The following SEC24A variants were observed in gnomAD, a reference collection of about 807,000 sequenced individuals.
The protein encoded by SEC24A is protein transport protein Sec24A.
A neutral mutation model predicts 129.4 loss-of-function variants in SEC24A; 93 were observed. That is an observed-to-expected ratio of 0.72 (90% CI 0.61 to 0.85). The LOEUF is 0.85. Among genes scored for constraint, SEC24A ranks in the 40% least tolerant of loss-of-function variants. The probability of loss-of-function intolerance (pLI) is 0.00; values close to 1 mark genes in which losing one functional copy is unlikely to be tolerated. For missense variants in SEC24A, 1,264 were observed against 1,307.4 expected (o/e 0.97, Z 0.51); for synonymous variants, 460 against 467.3 (o/e 0.98, Z 0.20).
chr5:134,694,218 T>C (rs779154087), intron 13 of SEC24A, among the ~76,000 whole-genome samples: 1 of 152,106 alleles, frequency 6.6e-6, no homozygotes, highest in Non-Finnish European at 1.5e-5. Flanking sequence ...GAGAACCTGA[T>C]TGACCAGTTA....
chr5:134,685,377 A>T lies in SEC24A; in HGVS notation c.1492-1413A>T, dbSNP rs867817276. 8.7e-4 allele frequency among the ~76,000 whole-genome samples: 132 copies of T among 151,974 alleles called. 1 individual carries two copies. Among genetic ancestry groups the T allele is most frequent in the African/African-American group, 2.5e-3 (103 of 41,486 alleles). ...CAACACCTTCTCTCTAAAAAAAAAA[A>T]AATAATAATACAAATTTTAATATAC... On this transcript the variant is annotated intron_variant, in intron 9 of 22. Coordinates refer to ENST00000398844, the MANE Select transcript of SEC24A (RefSeq NM_021982.3).
chr5:134,681,442 T>TTGTGTGTG (rs34487329), intron 8 of SEC24A, among the ~76,000 whole-genome samples: 76 of 143,786 alleles, frequency 5.3e-4, no homozygotes, highest in African/African-American at 1.1e-3. Flanking sequence ...GTTTTATTGT[T>TTGTGTGTG]TGTGTGTGTG....
intron 17 of SEC24A, among the ~76,000 whole-genome samples, chr5:134,707,170 T>C (rs964630540): frequency 2.0e-5 from 3 of 152,110 alleles, no homozygotes; most frequent in African/African-American, 7.2e-5. Flanking sequence ...CTTAATTCTG[T>C]CTGTATCAGG....
chr5:134,690,534 C>G (rs1230826470), intron 11 of SEC24A, among the ~76,000 whole-genome samples: 1 of 152,212 alleles, frequency 6.6e-6, no homozygotes, highest in African/African-American at 2.4e-5. Context: ...AGGCTGGTCT[C>G]AAACTCCTGG....
intron 13 of SEC24A, 32 bp downstream of exon 13, chr5:134,693,965 T>C (rs1295638280): frequency 6.4e-7 from 1 of 1,564,450 alleles, no homozygotes; most frequent in Non-Finnish European, 8.8e-7. Context: ...TGATAAGGTT[T>C]ATGCTGGTGT....
At chr5:134,724,314 C>T (rs967106794) in intron 22 of SEC24A, among the ~76,000 whole-genome samples, 2 of 152,110 alleles carry the variant, frequency 1.3e-5, no homozygotes, top group Non-Finnish European at 2.9e-5. Flanking sequence ...AGTCGCCGGG[C>T]GCGGTGGCTC....
chr5:134,708,961 T>C, intron 18 of SEC24A, 73 bp downstream of exon 18: 1 of 1,440,712 alleles, frequency 6.9e-7, no homozygotes, highest in Non-Finnish European at 9.5e-7. Flanking sequence ...ATCCCAGCAC[T>C]TTGGGTGGCT....
Position 134,686,893 on chromosome 5 carries a change from A to G in SEC24A, c.1595A>G (p.Asn532Ser), listed in dbSNP as rs778711031. Residue 532 changes from asparagine to serine, a missense_variant, in exon 10 of 23, where the codon AAT becomes AGT. Transcript: ENST00000398844. ...LNSVCQSLLD[N>S]LDLLPGNTRT... ...TCAGTTTGCCAGAGTTTGTTAGACA[A>G]TCTGGATTTGTAAGTTTCTCAATTC... The G allele has an allele frequency of 1.7e-5, 27 of 1,581,882 alleles. No individual in the cohort carries two copies. The Admixed American group carries it at 2.7e-4, about 16-fold the overall frequency.
intron 3 of SEC24A, among the ~76,000 whole-genome samples, chr5:134,668,297 C>T (rs937765228): frequency 2.6e-5 from 4 of 152,044 alleles, no homozygotes; most frequent in Admixed American, 6.6e-5. Flanking sequence ...ATGTTAGCAA[C>T]GAGTAACAAG....
intron 8 of SEC24A, among the ~76,000 whole-genome samples, chr5:134,682,102 G>T (rs1205586880): frequency 6.6e-6 from 1 of 152,044 alleles, no homozygotes; most frequent in Non-Finnish European, 1.5e-5. Context: ...AATTAGCCGG[G>T]CGTGGTGGCG....
In SEC24A at chr5:134,703,697, TAA is replaced by T. The variant is rs1411059207; in HGVS notation, c.2267-59_2267-58del. The T allele has an allele frequency of 2.7e-6, 3 of 1,108,624 alleles. No individual in the cohort carries two copies. In the African/African-American group the frequency reaches 4.7e-5, roughly 18 times the overall value. The allele number at this position is 1,108,624 out of a possible 1,614,324, so 68.7% of individuals were successfully genotyped here. ...TTGCCAATCTGATAAGTAACTAGGA[TAA>T]AATGTAAATATCAGTATGTAGGTAT... On this transcript the variant is annotated intron_variant, in intron 15 of 22. Transcript: ENST00000398844.
At chr5:134,706,976 A>G (rs913415655) in intron 17 of SEC24A, among the ~76,000 whole-genome samples, 16 of 152,132 alleles carry the variant, frequency 1.1e-4, no homozygotes, top group African/African-American at 3.6e-4. Context: ...GGCATGAGCC[A>G]CCACGCCTGG....
chr5:134,707,952 AAAAAC>A (rs1243156794), intron 17 of SEC24A, among the ~76,000 whole-genome samples: 19 of 152,256 alleles, frequency 1.2e-4, no homozygotes, highest in African/African-American at 2.9e-4. Flanking sequence ...AAAAATACAA[AAAAAC>A]AAAACAAAAC....
chr5:134,705,070 TTATA>T (rs764489420), intron 16 of SEC24A, among the ~76,000 whole-genome samples: 15 of 133,328 alleles, frequency 1.1e-4, no homozygotes, highest in South Asian at 2.4e-4. Context: ...ATATTTATAT[TTATA>T]TATATATATA....
At chr5:134,702,323 C>T (rs1056316600) in intron 15 of SEC24A, among the ~76,000 whole-genome samples, 5 of 152,114 alleles carry the variant, frequency 3.3e-5, no homozygotes, top group Non-Finnish European at 1.5e-5. Context: ...CATTCTTTTT[C>T]ATCCTGATTA....
intron 16 of SEC24A, among the ~76,000 whole-genome samples, chr5:134,705,070 T>TATATATA (rs1561827960): frequency 6.5e-4 from 87 of 133,284 alleles, no homozygotes; most frequent in African/African-American, 2.3e-3. Context: ...ATATTTATAT[T>TATATATA]TATATATATA....
At position 134,666,927 on chromosome 5, in the gene SEC24A, C is replaced by G; in HGVS notation, c.670C>G (p.Leu224Val). 6.2e-7 allele frequency: 1 copy of G among 1,613,670 alleles called. No homozygotes were observed. The highest frequency in any genetic ancestry group is 8.5e-7 in the Non-Finnish European group (1 of 1,179,648). ...PAGGPPPVRA[L>V]TPLTSSYRDV... ...TGGAGGCCCACCCCCAGTGAGGGCC[C>G]TCACGCCCCTGACATCATCATATAG... Residue 224 changes from leucine to valine, a missense_variant, in exon 3 of 23, where the codon CTC (leucine) becomes GTC (valine). Physicochemically the swap from Leu to Val is conservative, Grantham distance 32. Coordinates refer to ENST00000398844, the MANE Select transcript of SEC24A (RefSeq NM_021982.3).
intron 3 of SEC24A, among the ~76,000 whole-genome samples, chr5:134,669,920 A>G (rs1750799424): frequency 6.6e-6 from 1 of 151,760 alleles, no homozygotes; most frequent in African/African-American, 2.4e-5. Context: ...TATTTTATTT[A>G]TTTTTGAGAC....
At chr5:134,667,670 A>C (rs1488023214) in intron 3 of SEC24A, among the ~76,000 whole-genome samples, 10 of 140,216 alleles carry the variant, frequency 7.1e-5, no homozygotes, top group African/African-American at 2.6e-4. Flanking sequence ...AAAAAAAAAC[A>C]AAAAAAAAAA....
Sources: gnomAD v4.1 joint callset for allele counts (sites outside exome capture counted in the v4.1 genomes callset) on GRCh38, gnomAD v4.1.1 for gene constraint, MANE v1.5 for transcripts, NCBI Gene and HGNC (gene_info 2026-07-23, HGNC 2026-07-21) for gene names.